Variants in BEST1 observed in about 807,000 individuals in gnomAD.
BEST1 encodes bestrophin-1.
BEST1 carries 58 observed loss-of-function variants against 63.3 expected under a neutral mutation model. The ratio of observed to expected loss-of-function variants is 0.92; its 90% CI spans 0.74 to 1.14. The LOEUF (loss-of-function observed/expected upper bound fraction) is 1.14, where lower values mean the gene tolerates loss of function less well. Ranked by LOEUF, BEST1 falls within the 50% of genes most tolerant of loss-of-function variation. The probability of loss-of-function intolerance (pLI) is 0.00; values close to 1 mark genes in which losing one functional copy is unlikely to be tolerated. For synonymous variants in BEST1, 283 were observed against 291.6 expected, an observed-to-expected ratio of 0.97 and a Z score of 0.30; for missense variants, 671 against 740.1, an observed-to-expected ratio of 0.91 and a Z score of 1.08.
chr11:61,964,234 A>G lies in BEST1; in HGVS notation c.*112A>G. 1 of 1,576,326 alleles carries G rather than the reference A, an allele frequency of 6.3e-7. No homozygotes were observed. Among genetic ancestry groups the G allele is most frequent in the Non-Finnish European group, 8.6e-7 (1 of 1,161,302 alleles). On this transcript the variant is annotated 3_prime_UTR_variant, in exon 11 of 11. Coordinates refer to ENST00000378043, the MANE Select transcript of BEST1 (RefSeq NM_004183.4). ...CTGTCCACACTGAAGAACATGTCCT[A>G]CAACAGCCTGAATCAAATGGTTAGC...
intron 9 of BEST1, 110 bp from the exon 10 acceptor site, chr11:61,962,145 G>A: frequency 8.7e-7 from 1 of 1,149,184 alleles, no homozygotes; most frequent in Non-Finnish European, 1.3e-6. Context: ...AAGACGGTGT[G>A]GCCTTGGCTT....
Position 61,964,180 on chromosome 11 carries a change from A to G in BEST1, c.*58A>G. 1 of 1,612,358 alleles carries G rather than the reference A, an allele frequency of 6.2e-7. No individual in the cohort carries two copies. The highest frequency in any genetic ancestry group is 8.5e-7 in the Non-Finnish European group (1 of 1,179,516). ...GGTCCTCACCTGTGTGTACACCAGC[A>G]GGACACTGATCCAGTCACAGCCATA... On this transcript the variant is annotated 3_prime_UTR_variant, in exon 11 of 11. Transcript: ENST00000378043.
At chr11:61,955,043 T>G in intron 2 of BEST1, 64 bp from the exon 3 acceptor site, 2 of 1,605,664 alleles carry the variant, frequency 1.2e-6, no homozygotes, top group Non-Finnish European at 1.7e-6. Flanking sequence ...GGGCTAGACC[T>G]GGGGACAGTC....
At chr11:61,950,613 G>A (rs996867957) in intron 1 of BEST1, among the ~76,000 whole-genome samples, 186 bp downstream of exon 1, 7 of 152,248 alleles carry the variant, frequency 4.6e-5, no homozygotes, top group Admixed American at 3.3e-4. Context: ...GGCACAGCCA[G>A]CCAGTGTGGC....
At chr11:61,963,308 C>G in intron 10 of BEST1, 2 of 1,357,026 alleles carry the variant, frequency 1.5e-6, no homozygotes, top group Non-Finnish European at 1.9e-6. Context: ...GAACACTTCC[C>G]CCATAACTAT....
Position 61,959,958 on chromosome 11 carries a change from A to C in BEST1, c.1015A>C (p.Asn339His). Reference protein sequence around the residue: ...LPRMEPDMYWNKPEPQPPYTA... With the variant: ...LPRMEPDMYWHKPEPQPPYTA... ...TCGGATGGAGCCGGACATGTACTGG[A>C]ATAAGCCCGAGCCACAGCCCCCCTA... Residue 339 changes from asparagine (N) to histidine (H), a missense_variant, in exon 9 of 11, where the codon AAT (asparagine) becomes CAT (histidine). Transcript: ENST00000378043. 6.2e-7 allele frequency: 1 copy of C among 1,612,736 alleles called. No homozygotes were observed. The highest frequency in any genetic ancestry group is 8.5e-7 in the Non-Finnish European group (1 of 1,179,530).
At position 61,959,887 on chromosome 11, in the gene BEST1, A is replaced by G; in HGVS notation, c.949-5A>G. ...TGTGGGACTTCTTCTGTCCCTGGTG[A>G]CCAGGTGTCCCTGTTGGCTGTGGAT... On this transcript the variant is annotated splice_region_variant and splice_polypyrimidine_tract_variant and intron_variant, in intron 8 of 10. Coordinates refer to ENST00000378043, the MANE Select transcript of BEST1 (RefSeq NM_004183.4). The G allele has an allele frequency of 6.2e-7, 1 of 1,613,736 alleles. No homozygotes were observed. The highest frequency in any genetic ancestry group is 1.1e-5 in the South Asian group (1 of 90,926).
intron 9 of BEST1, chr11:61,962,030 T>C (rs570447709): frequency 5.2e-4 from 308 of 590,620 alleles, no homozygotes; most frequent in Non-Finnish European, 7.9e-4. Context: ...ATGTTAACTC[T>C]GGTCAAGAGG....
In BEST1 at chr11:61,955,744, C is replaced by G; in HGVS notation, c.274C>G (p.Arg92Gly). 6.5e-7 allele frequency: 1 copy of G among 1,548,532 alleles called. No homozygotes were observed. Among genetic ancestry groups the G allele is most frequent in the Non-Finnish European group, 8.7e-7 (1 of 1,146,830 alleles). The change falls in exon 4 of 11, where the codon CGC becomes GGC. Residue 92 changes from arginine (R) to glycine (G), a missense_variant. Arg to Gly is a moderately radical substitution (Grantham distance 125, BLOSUM62 -2). Transcript: ENST00000378043. Reference protein sequence around the residue: ...LGFYVTLVVTRWWNQYENLPW... With the variant: ...LGFYVTLVVTGWWNQYENLPW... ...CTTCTACGTGACGCTGGTCGTGACC[C>G]GCTGGTGGAACCAGTACGAGAACCT... is the stretch of plus-strand genomic sequence containing the variant.
chr11:61,962,400 A>C lies in BEST1; in HGVS notation c.1246A>C (p.Lys416Gln), dbSNP rs940467225. The change falls in exon 10 of 11, where the codon AAG becomes CAG. Residue 416 changes from lysine (K) to glutamine (Q), a missense_variant. Coordinates refer to ENST00000378043, the MANE Select transcript of BEST1 (RefSeq NM_004183.4). ...CTCAAGGACCAAACTACTGTGGCCC[A>C]AGAGGGAATCCCTTCTCCACGAGGG... ...ANSRTKLLWP[K>Q]RESLLHEGLP... The C allele has an allele frequency of 6.2e-7, 1 of 1,614,220 alleles. No individual in the cohort carries two copies. The highest frequency in any genetic ancestry group is 1.1e-5 in the South Asian group (1 of 91,092).
At chr11:61,960,064 C>A (rs1941902976) in intron 9 of BEST1, 21 bp downstream of exon 9, 1 of 1,602,892 alleles carries the variant, frequency 6.2e-7, no homozygotes, top group Non-Finnish European at 8.5e-7. Flanking sequence ...AGCCAGGGGG[C>A]TGGGTGGGAA....
rs777565537 is a variant in BEST1 at position 61,962,850 on chromosome 11, ACACT to A, written c.1699_1702del (p.Leu567LysfsTer41). 3 of 1,614,166 alleles carry A rather than the reference ACACT, an allele frequency of 1.9e-6. No homozygotes were observed. The highest frequency in any genetic ancestry group is 1.7e-5 in the Admixed American group (1 of 60,018). On this transcript the variant is annotated frameshift_variant, in exon 10 of 11. Coordinates refer to ENST00000378043, the MANE Select transcript of BEST1 (RefSeq NM_004183.4). LOFTEE classifies it low-confidence loss of function (END_TRUNC). ...ACAATCACCAACCAACATACACACT[ACACT>A]CAAAGATCACATGGATCCTTATTGG...
intron 6 of BEST1, 80 bp downstream of exon 6, chr11:61,957,544 C>A (rs1160226878): frequency 1.4e-6 from 2 of 1,396,872 alleles, no homozygotes; most frequent in Admixed American, 3.4e-5. Context: ...GTGGGAAGGG[C>A]TCACCTAGAG....
At chr11:61,959,684 T>C in intron 8 of BEST1, 106 bp downstream of exon 8, 1 of 1,357,624 alleles carries the variant, frequency 7.4e-7, no homozygotes, top group Non-Finnish European at 1.0e-6. Context: ...TGATCAACCC[T>C]TCCCCTCCTC....
At chr11:61,965,274 A>G, downstream of BEST1, 2 of 1,597,746 alleles carry the variant, frequency 1.3e-6, no homozygotes, top group Non-Finnish European at 1.7e-6. Context: ...CCAGTGTATC[A>G]TCACTTTATA....
chr11:61,955,541 C>T, intron 3 of BEST1, 177 bp from the exon 4 acceptor site: 2 of 1,002,780 alleles, frequency 2.0e-6, no homozygotes, highest in Admixed American at 2.8e-5. Context: ...TTGGGGCTCT[C>T]GCGCCTCCAT....
Position 61,961,854 on chromosome 11 carries a change from T to A in BEST1, c.1101-401T>A, listed in dbSNP as rs1451561843. ...TTCTCTTTGTGGATGTCACTCCCAGTTGGAACCACAAATTCCTGGCATTGC... is the reference window on the plus strand; with the variant it reads ...TTCTCTTTGTGGATGTCACTCCCAGATGGAACCACAAATTCCTGGCATTGC... On this transcript the variant is annotated intron_variant, in intron 9 of 10. Transcript: ENST00000378043. 1.8e-5 allele frequency: 4 copies of A among 218,896 alleles called. No individual in the cohort carries two copies. The East Asian group carries it at 4.2e-4, about 23-fold the overall frequency. The allele number at this position is 218,896 out of a possible 1,614,324, so 13.6% of individuals were successfully genotyped here. A position where few individuals can be genotyped will look rare whatever the true frequency, so the allele number is the denominator to read the frequency against.
At chr11:61,953,413 ATAAAAAAT>A (rs1387644448) in intron 2 of BEST1, among the ~76,000 whole-genome samples, 4 of 152,024 alleles carry the variant, frequency 2.6e-5, no homozygotes, top group African/African-American at 7.2e-5. Context: ...TCCTGTCTCT[ATAAAAAAT>A]TAAAAAATTG....
At chr11:61,951,634 G>T in intron 1 of BEST1, 137 bp from the exon 2 acceptor site, 1 of 816,870 alleles carries the variant, frequency 1.2e-6, no homozygotes, top group Non-Finnish European at 1.9e-6. Flanking sequence ...AGAACTGGCA[G>T]GGCCTTGGAG....
Sources: gnomAD v4.1 joint callset for allele counts (sites outside exome capture counted in the v4.1 genomes callset) on GRCh38, gnomAD v4.1.1 for gene constraint, MANE v1.5 for transcripts, NCBI Gene and HGNC (gene_info 2026-07-23, HGNC 2026-07-21) for gene names.